Variants in SLC43A3 observed in about 807,000 individuals in gnomAD.
SLC43A3 encodes equilibrative nucleobase transporter 1.
Under a neutral mutation model 53.3 loss-of-function variants are expected in SLC43A3, and 33 were observed. That is an observed-to-expected ratio of 0.62 (90% CI 0.47 to 0.83). The LOEUF (loss-of-function observed/expected upper bound fraction) is 0.83, where lower values mean the gene tolerates loss of function less well. Ranked by LOEUF, SLC43A3 falls within the 40% of genes least tolerant of loss-of-function variation. The pLI is 0.00. For synonymous variants in SLC43A3, 236 were observed against 246.2 expected (o/e 0.96, Z 0.39); for missense variants, 530 against 610.0 (o/e 0.87, Z 1.38).
chr11:57,425,664 T>C lies in SLC43A3; in HGVS notation c.191A>G (p.Lys64Arg). The change falls in exon 4 of 14, where the codon AAA becomes AGA. Residue 64 changes from lysine (K) to arginine (R), a missense_variant. By Grantham distance (26) the Lys-to-Arg change is conservative. This residue lies in a region of SLC43A3 where 376 missense variants were observed against 386.7 expected (regional missense o/e 0.97). Transcript: ENST00000395124. The stretch of plus-strand genomic sequence containing the variant: ...GAGTGAGAACCTCTCATCCTGGGCT[T>C]TGCAGTCTGGAGTAGAAAAAAGGTC... Reference protein sequence around the residue: ...IGNATGQADCKAQDERFSLIF... With the variant: ...IGNATGQADCRAQDERFSLIF... 6.2e-7 allele frequency: 1 copy of C among 1,614,042 alleles called. No homozygotes were observed. Among genetic ancestry groups the C allele is most frequent in the Non-Finnish European group, 8.5e-7 (1 of 1,180,002 alleles).
intron 2 of SLC43A3, 87 bp downstream of exon 2, chr11:57,426,501 T>C (rs1443602016): frequency 3.7e-6 from 1 of 273,834 alleles, no homozygotes; most frequent in Non-Finnish European, 7.1e-6. Flanking sequence ...TACATCATCT[T>C]AGGCACTGCA....
Position 57,425,539 on chromosome 11 carries a change from A to C in SLC43A3, c.314+2T>G. On this transcript the variant is annotated splice_donor_variant, in intron 4 of 13. Coordinates refer to ENST00000395124, the MANE Select transcript of SLC43A3 (RefSeq NM_199329.3). LOFTEE classifies it high-confidence loss of function. ...TTGCCTGGGCTGGCCTTTGGGACTT[A>C]CATGGCTATGAGGCGTGCCACGGTG... The C allele has an allele frequency of 6.2e-7, 1 of 1,613,122 alleles. No individual in the cohort carries two copies. The highest frequency in any genetic ancestry group is 8.5e-7 in the Non-Finnish European group (1 of 1,179,448).
At chr11:57,416,426 G>A (rs965721718) in intron 9 of SLC43A3, 147 bp downstream of exon 9, 2 of 624,866 alleles carry the variant, frequency 3.2e-6, no homozygotes, top group Non-Finnish European at 5.7e-6. Flanking sequence ...CATTAAGTGA[G>A]AGGGTTGGGA....
chr11:57,420,813 C>T (rs967850797), intron 7 of SLC43A3, among the ~76,000 whole-genome samples, 159 bp downstream of exon 7: 3 of 152,226 alleles, frequency 2.0e-5, no homozygotes, highest in African/African-American at 7.2e-5. Context: ...GAACCTTCAA[C>T]AAGCTTTTTA....
chr11:57,425,967 G>T lies in SLC43A3; in HGVS notation c.184+22C>A, dbSNP rs373531521. 3.5e-5 allele frequency: 56 copies of T among 1,606,086 alleles called. No individual in the cohort carries two copies. In the African/African-American group the frequency reaches 6.3e-4, roughly 18 times the overall value. On this transcript the variant is annotated intron_variant, in intron 3 of 13. Coordinates refer to ENST00000395124, the MANE Select transcript of SLC43A3 (RefSeq NM_199329.3). ...GTGGGAGCCAGACTTAACTTCCTTA[G>T]AAAAGTCATCCCTGCCCTTACCAGC...
chr11:57,423,891 T>C (rs1431505053), intron 5 of SLC43A3, 91 bp downstream of exon 5: 3 of 1,046,512 alleles, frequency 2.9e-6, no homozygotes, highest in Admixed American at 3.5e-5. Flanking sequence ...ATGTGGTCTG[T>C]ATATCTTGCC....
chr11:57,425,648 C>A lies in SLC43A3; in HGVS notation c.207G>T (p.Arg69Ser). ...GQADCKAQDE[R>S]FSLIFTLGSF... ...ACCCCAGGGTGAAGATGAGTGAGAA[C>A]CTCTCATCCTGGGCTTTGCAGTCTG... Residue 69 changes from arginine to serine, a missense_variant, in exon 4 of 14, where the codon AGG becomes AGT. Around this residue, in one of 3 missense-constraint regions of SLC43A3, gnomAD observed 376 missense variants for 386.7 expected, o/e 0.97. Transcript: ENST00000395124. 6.2e-7 allele frequency: 1 copy of A among 1,613,990 alleles called. No homozygotes were observed. The highest frequency in any genetic ancestry group is 8.5e-7 in the Non-Finnish European group (1 of 1,179,902).
chr11:57,407,867 AAG>A lies in SLC43A3; in HGVS notation c.1399_1400del (p.Leu467SerfsTer118). Reference sequence around the variant, plus strand: ...CCAGAAAGGGGTGGAAGAATGTCAGAAGAATGGCAAGCATGAACATCACATTC... The same window carrying A: ...CCAGAAAGGGGTGGAAGAATGTCAGAAATGGCAAGCATGAACATCACATTC... Reference protein sequence around the residue: ...YVNVMFMLAILLTFFHPFLVY... With the variant: ...YVNVMFMLAIXLTFFHPFLVY... On this transcript the variant is annotated frameshift_variant, in exon 14 of 14. Transcript: ENST00000395124. LOFTEE classifies it low-confidence loss of function (END_TRUNC). The A allele has an allele frequency of 6.2e-7, 1 of 1,613,590 alleles. No individual in the cohort carries two copies. The highest frequency in any genetic ancestry group is 1.6e-4 in the Middle Eastern group (1 of 6,062).
intron 11 of SLC43A3, among the ~76,000 whole-genome samples, chr11:57,412,739 C>T (rs775874820): frequency 7.3e-5 from 11 of 151,058 alleles, no homozygotes; most frequent in Non-Finnish European, 1.0e-4. Flanking sequence ...ACCTGGGAGG[C>T]GGAGGTCGCA....
At chr11:57,416,806 G>T in intron 8 of SLC43A3, 136 bp from the exon 9 acceptor site, 1 of 670,668 alleles carries the variant, frequency 1.5e-6, no homozygotes, top group Non-Finnish European at 2.6e-6. Flanking sequence ...TGATGCCCAG[G>T]TTGCAGACCA....
chr11:57,415,123 G>T lies in SLC43A3; in HGVS notation c.770-17C>A. The stretch of plus-strand genomic sequence containing the variant: ...CTGGGGTCTCTAATGGGGAGAGGAG[G>T]ATCTGGGCGTGAATTACGAGGAAAG... On this transcript the variant is annotated splice_polypyrimidine_tract_variant and intron_variant, in intron 9 of 13. Transcript: ENST00000395124. 1 of 1,597,500 alleles carries T rather than the reference G, an allele frequency of 6.3e-7. No individual in the cohort carries two copies. The highest frequency in any genetic ancestry group is 8.5e-7 in the Non-Finnish European group (1 of 1,171,274).
At chr11:57,410,462 A>T (rs1942399461) in intron 11 of SLC43A3, among the ~76,000 whole-genome samples, 1 of 152,124 alleles carries the variant, frequency 6.6e-6, no homozygotes, top group Admixed American at 6.5e-5. Flanking sequence ...ATGTAGCCAG[A>T]TCCTCTTTGT....
Position 57,413,329 on chromosome 11 carries a change from G to A in SLC43A3, c.1060+1286C>T, listed in dbSNP as rs59368256. 9.8e-3 allele frequency among the ~76,000 whole-genome samples: 1,493 copies of A among 152,272 alleles called. 23 individuals carry two copies. The highest frequency in any genetic ancestry group is 0.035 in the African/African-American group (1,445 of 41,558). On this transcript the variant is annotated intron_variant, in intron 11 of 13. Coordinates refer to ENST00000395124, the MANE Select transcript of SLC43A3 (RefSeq NM_199329.3). Reference sequence around the variant, plus strand: ...GGATCCTAATTGGAACAAACCAACTGTAAAAGGATGTATTTGAAATGATTG... The same window carrying A: ...GGATCCTAATTGGAACAAACCAACTATAAAAGGATGTATTTGAAATGATTG...
chr11:57,408,048 C>T, intron 13 of SLC43A3, 152 bp from the exon 14 acceptor site: 1 of 589,842 alleles, frequency 1.7e-6, no homozygotes, highest in Non-Finnish European at 3.0e-6. Context: ...CACTATGGTG[C>T]CCTGGAGGAA....
At chr11:57,411,968 A>G (rs933398651) in intron 11 of SLC43A3, among the ~76,000 whole-genome samples, 3 of 152,214 alleles carry the variant, frequency 2.0e-5, no homozygotes, top group Non-Finnish European at 2.9e-5. Context: ...ATCAGTATTA[A>G]GTATTTATGA....
rs749518758 is a variant in SLC43A3, at chr11:57,426,080, AG to A, written c.92del (p.Pro31LeufsTer3). ...CATTCTTGAAGACAAACACTAGTGA[AG>A]GCCAGCCAAAGAGGACGCCAGCAAA... Reference protein sequence around the residue: ...LGFAGVLFGWPSLVFVFKNED... With the variant: ...LGFAGVLFGWXSLVFVFKNED... On this transcript the variant is annotated frameshift_variant, in exon 3 of 14. Coordinates refer to ENST00000395124, the MANE Select transcript of SLC43A3 (RefSeq NM_199329.3). LOFTEE classifies it high-confidence loss of function. 1 of 1,614,272 alleles carries A rather than the reference AG, an allele frequency of 6.2e-7. No homozygotes were observed. Among genetic ancestry groups the A allele is most frequent in the South Asian group, 1.1e-5 (1 of 91,090 alleles).
At position 57,407,665 on chromosome 11, in the gene SLC43A3, T is replaced by TTGTGTGTGTGTGTG. The variant is rs3832767; in HGVS notation, c.*113_*126dup. On this transcript the variant is annotated 3_prime_UTR_variant, in exon 14 of 14. Coordinates refer to ENST00000395124, the MANE Select transcript of SLC43A3 (RefSeq NM_199329.3). ...GCAGACGTCCTTGTGTGTCTTTATT[T>TTGTGTGTGTGTGTG]TGTGTGTGTGTGTGTGTGTGTGTGT... 7 of 566,598 alleles carry TTGTGTGTGTGTGTG rather than the reference T, an allele frequency of 1.2e-5. No individual in the cohort carries two copies. Among genetic ancestry groups the TTGTGTGTGTGTGTG allele is most frequent in the Middle Eastern group, 3.1e-4 (1 of 3,252 alleles). 35.1% of individuals were successfully genotyped at this position (566,598 alleles called of 1,614,324 possible).
chr11:57,408,309 C>T (rs996944201), intron 13 of SLC43A3: 3 of 163,138 alleles, frequency 1.8e-5, no homozygotes, highest in African/African-American at 7.2e-5. Context: ...CGCCTGTAAT[C>T]ACAGCATTTT....
intron 5 of SLC43A3, among the ~76,000 whole-genome samples, chr11:57,423,238 C>T (rs533025635): frequency 6.6e-6 from 1 of 152,142 alleles, no homozygotes; most frequent in South Asian, 2.1e-4. Context: ...GATTGGAGTT[C>T]CAGACTTAAC....
Sources: allele counts gnomAD v4.1 joint callset (sites outside exome capture counted in the v4.1 genomes callset), GRCh38; gene constraint gnomAD v4.1.1; regional missense constraint gnomAD v4.1.1; transcripts MANE v1.5; gene names NCBI Gene and HGNC (gene_info 2026-07-23, HGNC 2026-07-21).